The following ROBO2 variants were observed in gnomAD, a reference collection of about 807,000 sequenced individuals.
ROBO2 encodes roundabout homolog 2.
In ROBO2, 53 loss-of-function variants were observed where a neutral mutation model predicts 160.8. That is an observed-to-expected ratio of 0.33 (90% CI 0.26 to 0.41). ROBO2 has a LOEUF of 0.41. Among genes scored for constraint, ROBO2 ranks in the 10% least tolerant of loss-of-function variants. The pLI, the probability that ROBO2 is intolerant of heterozygous loss-of-function variation, is 1.00. For synonymous variants in ROBO2, 664 were observed against 611.7 expected (o/e 1.09, Z -1.26); for missense variants, 1,577 against 1,722.4 (o/e 0.92, Z 1.49).
rs564988614 is a variant in ROBO2 at position 76,976,440 on chromosome 3, C to T, written c.110-121574C>T. Among the ~76,000 whole-genome samples the T allele has an allele frequency of 2.0e-5, 3 of 152,142 alleles. No individual in the cohort carries two copies. The South Asian group carries it at 6.2e-4, about 32-fold the overall frequency. On this transcript the variant is annotated intron_variant, in intron 2 of 26. Transcript: ENST00000487694. ...TGGGAAATGGGAAGTTTTTTACAAA[C>T]CGTATTTGAATGGCACCGCAATGAC...
intron 2 of ROBO2, among the ~76,000 whole-genome samples, chr3:77,026,638 A>G (rs1173288316): frequency 6.6e-6 from 1 of 152,254 alleles, no homozygotes; most frequent in Non-Finnish European, 1.5e-5. Context: ...GCTGAGCAAA[A>G]TAAGTAACAG....
chr3:76,174,448 T>A (rs151334592), intron 2 of ROBO2, among the ~76,000 whole-genome samples: 249 of 152,328 alleles, frequency 1.6e-3, no homozygotes, highest in African/African-American at 5.3e-3. Context: ...CATGCCTATG[T>A]CCTGAATGGT....
intron 2 of ROBO2, among the ~76,000 whole-genome samples, chr3:76,256,343 C>CTCTCTA (rs1706374693): frequency 1.1e-5 from 1 of 92,240 alleles, no homozygotes; most frequent in Non-Finnish European, 2.5e-5. Context: ...CTCTCTCTCT[C>CTCTCTA]TCTCTCTCTC....
intron 1 of ROBO2, among the ~76,000 whole-genome samples, chr3:77,088,413 T>C (rs1442673666): frequency 6.6e-6 from 1 of 152,190 alleles, no homozygotes; most frequent in Non-Finnish European, 1.5e-5. Context: ...TTATTTTAAG[T>C]TCTGGGATAC....
At chr3:77,415,089 G>A (rs1404175627) in intron 2 of ROBO2, among the ~76,000 whole-genome samples, 1 of 152,128 alleles carries the variant, frequency 6.6e-6, no homozygotes, top group Non-Finnish European at 1.5e-5. Flanking sequence ...GGACATCCAG[G>A]AATATTCAGG....
rs182094970 is a variant in ROBO2, at chr3:76,982,374, A to C, written c.110-115640A>C. 3.9e-5 allele frequency among the ~76,000 whole-genome samples: 6 copies of C among 152,312 alleles called. No homozygotes were observed. In the East Asian group the frequency reaches 1.2e-3, roughly 29 times the overall value. ...TACTATTGCACCATTGTTGAAAATC[A>C]ATTGACTGCGATGTAGGGTTTATGT... On this transcript the variant is annotated intron_variant, in intron 2 of 26. Coordinates refer to the ROBO2 transcript ENST00000487694.
At chr3:77,149,288 G>A (rs2077370286) in intron 2 of ROBO2, among the ~76,000 whole-genome samples, 1 of 151,972 alleles carries the variant, frequency 6.6e-6, no homozygotes, top group African/African-American at 2.4e-5. Flanking sequence ...GCTTGCCTCG[G>A]GCTCCTAAAG....
exon 26 of ROBO2, chr3:77,647,223 A>G (rs2095418539): frequency 6.6e-6 from 1 of 152,288 alleles, no homozygotes. Flanking sequence ...AAAAAATAAT[A>G]CAGTTTATAT....
chr3:76,163,012 T>G (rs1252115141), intron 2 of ROBO2, among the ~76,000 whole-genome samples: 2 of 152,144 alleles, frequency 1.3e-5, no homozygotes, highest in Non-Finnish European at 2.9e-5. Flanking sequence ...GCCACAGGAC[T>G]TGAACATAAG....
intron 2 of ROBO2, among the ~76,000 whole-genome samples, chr3:76,042,040 A>T (rs928196241): frequency 6.6e-6 from 1 of 151,262 alleles, no homozygotes; most frequent in African/African-American, 2.4e-5. Context: ...AAAAAAAAAA[A>T]AACACCCCAG....
chr3:76,495,093 C>T (rs990229567), intron 2 of ROBO2, among the ~76,000 whole-genome samples: 5 of 151,978 alleles, frequency 3.3e-5, no homozygotes, highest in African/African-American at 4.8e-5. Context: ...AGTACCCTCA[C>T]GTGTGTTTGA....
At chr3:77,071,775 G>A (rs1040834045) in intron 1 of ROBO2, among the ~76,000 whole-genome samples, 6 of 152,144 alleles carry the variant, frequency 3.9e-5, no homozygotes, top group African/African-American at 9.7e-5. Flanking sequence ...AAGGGATTGC[G>A]CATAATCAAG....
intron 2 of ROBO2, among the ~76,000 whole-genome samples, chr3:76,137,343 C>T (rs1453881868): frequency 3.3e-5 from 5 of 151,786 alleles, no homozygotes; most frequent in African/African-American, 7.3e-5. Context: ...TCTTGGTTGC[C>T]GAAAACGTCC....
chr3:77,262,684 A>C (rs1380039790), intron 2 of ROBO2, among the ~76,000 whole-genome samples: 1 of 152,178 alleles, frequency 6.6e-6, no homozygotes, highest in East Asian at 1.9e-4. Flanking sequence ...CCCAGAAAAA[A>C]ATAATTTAAA....
intron 2 of ROBO2, among the ~76,000 whole-genome samples, chr3:76,375,858 T>G (rs903134852): frequency 1.3e-5 from 2 of 152,070 alleles, no homozygotes; most frequent in African/African-American, 4.8e-5. Flanking sequence ...GAATTGCTAG[T>G]GTTCAAATTA....
chr3:76,449,654 C>T (rs546334611), intron 2 of ROBO2, among the ~76,000 whole-genome samples: 8 of 152,160 alleles, frequency 5.3e-5, no homozygotes, highest in Admixed American at 1.3e-4. Flanking sequence ...TTTGTTCCCC[C>T]GAAAGCAGTG....
intron 1 of ROBO2, among the ~76,000 whole-genome samples, chr3:77,078,310 T>G (rs2068232360): frequency 6.6e-6 from 1 of 152,334 alleles, no homozygotes; most frequent in South Asian, 2.1e-4. Context: ...AGTTGACACA[T>G]GTTTTCCTGG....
chr3:76,511,519 A>G (rs1560069305), intron 2 of ROBO2, among the ~76,000 whole-genome samples: 2 of 152,316 alleles, frequency 1.3e-5, no homozygotes, highest in South Asian at 4.1e-4. Flanking sequence ...CAACCATGTG[A>G]CCAGGATATC....
At chr3:76,217,856 C>T (rs537351723) in intron 2 of ROBO2, among the ~76,000 whole-genome samples, 1 of 151,998 alleles carries the variant, frequency 6.6e-6, no homozygotes, top group East Asian at 1.9e-4. Context: ...AGAGACACAA[C>T]AAAAAAAGAG....
Sources: gnomAD v4.1 joint callset for allele counts (sites outside exome capture counted in the v4.1 genomes callset) on GRCh38, gnomAD v4.1.1 for gene constraint, MANE v1.5 for transcripts, NCBI Gene and HGNC (gene_info 2026-07-23, HGNC 2026-07-21) for gene names.